Variants in SNX29 observed in about 807,000 individuals in gnomAD.
The protein encoded by SNX29 is sorting nexin 29, also known as sorting nexin-29.
Under a neutral mutation model 102.1 loss-of-function variants are expected in SNX29, and 78 were observed. The observed-to-expected ratio is 0.76, with a 90% confidence interval of 0.64 to 0.92. SNX29 has a LOEUF of 0.92. Ranked by LOEUF, SNX29 falls within the 40% of genes least tolerant of loss-of-function variation. SNX29 has a pLI of 0.00. For synonymous variants in SNX29, 580 were observed against 414.5 expected (o/e 1.40, Z -4.85); for missense variants, 1,280 against 1,061.7 (o/e 1.21, Z -2.86).
chr16:12,293,477 A>G (rs2079871653), intron 15 of SNX29, among the ~76,000 whole-genome samples: 1 of 152,202 alleles, frequency 6.6e-6, no homozygotes, highest in South Asian at 2.1e-4. Flanking sequence ...GGTTAAGCTC[A>G]TCGTTTCTGT....
chr16:12,540,932 C>T (rs937104940), intron 20 of SNX29, among the ~76,000 whole-genome samples: 7 of 152,216 alleles, frequency 4.6e-5, no homozygotes, highest in Middle Eastern at 3.2e-3. Flanking sequence ...ACCCCCTGCC[C>T]ACTTTTGGGG....
chr16:12,488,918 G>T (rs888911007), intron 19 of SNX29, among the ~76,000 whole-genome samples: 2 of 152,106 alleles, frequency 1.3e-5, no homozygotes, highest in African/African-American at 4.8e-5. Context: ...GAACGCATTG[G>T]TTTTGTGATT....
At chr16:12,178,653 G>C (rs1414474314) in intron 13 of SNX29, among the ~76,000 whole-genome samples, 2 of 152,220 alleles carry the variant, frequency 1.3e-5, no homozygotes, top group Non-Finnish European at 2.9e-5. Flanking sequence ...ACCTTCCAGG[G>C]TATGGCCCGG....
At chr16:12,281,813 G>A (rs1183268856) in intron 15 of SNX29, among the ~76,000 whole-genome samples, 1 of 152,102 alleles carries the variant, frequency 6.6e-6, no homozygotes, top group African/African-American at 2.4e-5. Flanking sequence ...GCTCAAACCT[G>A]TAATCCCAGC....
rs115383198 is a variant in SNX29, at chr16:12,055,111, C to T, written c.1124+2889C>T. Reference sequence around the variant, plus strand: ...CAGAACCAGTGTGGTGGGGCTGAGGCGGACGTTCTGTGTGTGGATGTGTGT... The same window carrying T: ...CAGAACCAGTGTGGTGGGGCTGAGGTGGACGTTCTGTGTGTGGATGTGTGT... On this transcript the variant is annotated intron_variant, in intron 8 of 20. Coordinates refer to ENST00000566228, the MANE Select transcript of SNX29 (RefSeq NM_032167.5). Among the ~76,000 whole-genome samples, 659 of 152,162 alleles carry T rather than the reference C, an allele frequency of 4.3e-3. 4 individuals carry two copies. Among genetic ancestry groups the T allele is most frequent in the African/African-American group, 0.015 (614 of 41,518 alleles).
chr16:12,064,835 C>T (rs996416503), intron 9 of SNX29, among the ~76,000 whole-genome samples: 3 of 152,240 alleles, frequency 2.0e-5, no homozygotes, highest in Admixed American at 6.5e-5. Context: ...GCCTTTTGTC[C>T]CTTCTGAGGG....
At chr16:12,321,320 T>G (rs2151175391) in intron 15 of SNX29, among the ~76,000 whole-genome samples, 1 of 152,304 alleles carries the variant, frequency 6.6e-6, no homozygotes, top group East Asian at 1.9e-4. Flanking sequence ...GTAGGTTCAC[T>G]GTGTCCTGGA....
At position 12,241,079 on chromosome 16, in the gene SNX29, A is replaced by G. The variant is rs574548942; in HGVS notation, c.1679-36854A>G. ...AACAAGTTTCTGCTTGCTTTTCTTG[A>G]AAAAATTAGCTATTTGTGTTTGCTC... On this transcript the variant is annotated intron_variant, in intron 14 of 20. Transcript: ENST00000566228. Among the ~76,000 whole-genome samples the G allele has an allele frequency of 2.3e-3, 353 of 152,256 alleles. 2 individuals are homozygous for G. Among genetic ancestry groups the G allele is most frequent in the Middle Eastern group, 0.01 (3 of 294 alleles).
chr16:12,226,574 C>CTTTTTTTTT (rs33956641), intron 14 of SNX29, among the ~76,000 whole-genome samples: 1 of 133,254 alleles, frequency 7.5e-6, no homozygotes. Context: ...ACTGAGCCTT[C>CTTTTTTTTT]TTTTTTTTTT....
intron 14 of SNX29, among the ~76,000 whole-genome samples, chr16:12,238,416 C>G (rs888247121): frequency 1.3e-5 from 2 of 152,080 alleles, no homozygotes; most frequent in East Asian, 3.9e-4. Context: ...GCCTCCGCCC[C>G]CCGAGTTCAA....
At chr16:12,276,913 G>A (rs1034192391) in intron 14 of SNX29, among the ~76,000 whole-genome samples, 3 of 152,136 alleles carry the variant, frequency 2.0e-5, no homozygotes, top group African/African-American at 7.2e-5. Context: ...TTGACGTTCT[G>A]TGTTGGTTTC....
At chr16:12,436,721 G>A (rs1424231949) in intron 18 of SNX29, among the ~76,000 whole-genome samples, 9 of 152,240 alleles carry the variant, frequency 5.9e-5, no homozygotes. Flanking sequence ...CTGGAGTACA[G>A]TGGCTCACTG....
chr16:12,512,369 A>AATATATATATATATATATATATAT (rs58157322), intron 19 of SNX29, among the ~76,000 whole-genome samples: 1 of 43,962 alleles, frequency 2.3e-5, no homozygotes, highest in African/African-American at 9.2e-5. Flanking sequence ...GCCCAGGGAA[A>AATATATATATATATATATATATAT]ATATATATAT....
Position 12,351,189 on chromosome 16 carries a change from A to G in SNX29, c.1783-4974A>G, listed in dbSNP as rs77894389. On this transcript the variant is annotated intron_variant, in intron 15 of 20. Coordinates refer to ENST00000566228, the MANE Select transcript of SNX29 (RefSeq NM_032167.5). ...ACATGAGCTGGTGCACCTAATGCCT[A>G]TAAGAGGCCTGACACTTAGTTGGTG... Among the ~76,000 whole-genome samples, 1,034 of 147,474 alleles carry G rather than the reference A, an allele frequency of 7.0e-3. 3 individuals carry two copies. The highest frequency in any genetic ancestry group is 0.01 in the South Asian group (48 of 4,662).
At chr16:12,061,831 G>T (rs2050789210) in intron 9 of SNX29, among the ~76,000 whole-genome samples, 185 bp downstream of exon 9, 1 of 152,166 alleles carries the variant, frequency 6.6e-6, no homozygotes, top group South Asian at 2.1e-4. Flanking sequence ...TTCTCTCCCT[G>T]AACCTGGGTA....
chr16:12,135,514 TGGTGCCA>T, intron 13 of SNX29: 1 of 1,318,136 alleles, frequency 7.6e-7, no homozygotes, highest in South Asian at 1.2e-5. Context: ...CTTGAGAGGA[TGGTGCCA>T]GCCAGTTCTC....
intron 3 of SNX29, among the ~76,000 whole-genome samples, chr16:12,013,270 A>C (rs980882212): frequency 1.3e-5 from 2 of 151,460 alleles, no homozygotes; most frequent in Non-Finnish European, 2.9e-5. Flanking sequence ...ACTAGTAGTC[A>C]AGGAAATGCA....
At chr16:12,555,343 C>G (rs1056571359) in intron 20 of SNX29, among the ~76,000 whole-genome samples, 1 of 151,866 alleles carries the variant, frequency 6.6e-6, no homozygotes, top group Non-Finnish European at 1.5e-5. Context: ...ACCTGAGAAA[C>G]ATGTTGGTTA....
chr16:12,295,452 C>G (rs1359240823), intron 15 of SNX29, among the ~76,000 whole-genome samples: 1 of 152,220 alleles, frequency 6.6e-6, no homozygotes, highest in African/African-American at 2.4e-5. Flanking sequence ...TCACAACTTC[C>G]TTTGTGGCTA....
Sources: allele counts gnomAD v4.1 joint callset (sites outside exome capture counted in the v4.1 genomes callset), GRCh38; gene constraint gnomAD v4.1.1; transcripts MANE v1.5; gene names NCBI Gene and HGNC (gene_info 2026-07-23, HGNC 2026-07-21).